The following CNOT1 variants were observed in gnomAD, a reference collection of about 807,000 sequenced individuals.
CNOT1 encodes CCR4-NOT transcription complex subunit 1, also known as CCR4-associated factor 1.
In CNOT1, 15 loss-of-function variants were observed where a neutral mutation model predicts 273.8. The observed-to-expected ratio is 0.05, with a 90% CI of 0.04 to 0.08. CNOT1 has a LOEUF of 0.08. Ranked by LOEUF, CNOT1 falls within the 10% of genes least tolerant of loss-of-function variation. CNOT1 has a pLI of 1.00. For synonymous variants in CNOT1, 1,022 were observed against 1,005.5 expected (o/e 1.02, Z -0.31); for missense variants, 1,644 against 2,912.2 (o/e 0.56, Z 10.02).
chr16:58,534,055 A>G (rs1198058255), intron 40 of CNOT1, 92 bp downstream of exon 40: 1 of 1,202,788 alleles, frequency 8.3e-7, no homozygotes, highest in Non-Finnish European at 1.0e-6. Context: ...AGACTCTCTC[A>G]AAGAAACAAT....
At chr16:58,565,390 C>T (rs921668603) in intron 16 of CNOT1, among the ~76,000 whole-genome samples, 2 of 152,166 alleles carry the variant, frequency 1.3e-5, no homozygotes, top group Non-Finnish European at 2.9e-5. Flanking sequence ...GCTGGAGTTA[C>T]AAGTGTAAGC....
At chr16:58,551,403 A>G (rs1179925060) in intron 23 of CNOT1, 131 bp from the exon 24 acceptor site, 4 of 1,201,182 alleles carry the variant, frequency 3.3e-6, no homozygotes, top group Non-Finnish European at 4.6e-6. Flanking sequence ...TGTAGGCAAG[A>G]ATAGTGAACT....
intron 24 of CNOT1, 97 bp from the exon 25 acceptor site, chr16:58,549,995 C>A: frequency 3.9e-6 from 6 of 1,527,092 alleles, no homozygotes; most frequent in Non-Finnish European, 5.3e-6. Context: ...TGGCTCCTTG[C>A]AAAACTAACT....
Position 58,615,493 on chromosome 16 carries a change from G to A in CNOT1, c.-175+14235C>T, listed in dbSNP as rs1444550419. ...ATCTGCCCGATGAATAAACCCCCAA[G>A]ACCTAGAGGAGGATGATGTCATGAG... On this transcript the variant is annotated intron_variant, in intron 1 of 48. Transcript: ENST00000317147. Among the ~76,000 whole-genome samples the A allele has an allele frequency of 2.4e-5, 3 of 124,852 alleles. 1 individual carries two copies. The highest frequency in any genetic ancestry group is 8.1e-5 in the African/African-American group (3 of 37,036). 81.9% of individuals were successfully genotyped at this position (124,852 alleles called of 152,430 possible). A position where few individuals can be genotyped will look rare whatever the true frequency, so the allele number is the denominator to read the frequency against.
In CNOT1 at chr16:58,549,734, G is replaced by A. The variant is rs1281447338; in HGVS notation, c.3507C>T (p.Thr1169=). 1 of 1,605,460 alleles carries A rather than the reference G, an allele frequency of 6.2e-7. No homozygotes were observed. Among genetic ancestry groups the A allele is most frequent in the Admixed American group, 1.7e-5 (1 of 57,208 alleles). Residue 1169 remains threonine, a synonymous_variant, in exon 25 of 49, where the codon ACC becomes ACT. Coordinates refer to ENST00000317147, the MANE Select transcript of CNOT1 (RefSeq NM_016284.5). ...PEFNKMVLNE[T]YRNIKVLLTS... is the part of the protein sequence containing the mutation. ...CAACTCTTACTTTAATGTTTCTGTA[G>A]GTCTCATTCAGAACCATCTTGTTAA...
Position 58,586,630 on chromosome 16 carries a change from G to C in CNOT1, c.552C>G (p.Leu184=). Residue 184 remains leucine (L), a synonymous_variant, in exon 7 of 49, where the codon CTC becomes CTG. Coordinates refer to ENST00000317147, the MANE Select transcript of CNOT1 (RefSeq NM_016284.5). ...TCTGCCCAAAGAGGAGATGGGAGAG[G>C]AGGAGGTGTAGGACCTCTATTGCTA... ...QDIAIEVLHL[L]LSHLLFGQKG... 1 of 1,613,044 alleles carries C rather than the reference G, an allele frequency of 6.2e-7. No homozygotes were observed. Among genetic ancestry groups the C allele is most frequent in the Non-Finnish European group, 8.5e-7 (1 of 1,179,842 alleles).
chr16:58,628,456 G>A lies in CNOT1; in HGVS notation c.-175+1272C>T, dbSNP rs1004264695. ...TATAGAAAAAAATTGTTCTTAATCT[G>A]TTTGACCTTCCTCCTAATATTTTAC... On this transcript the variant is annotated intron_variant, in intron 1 of 48. Coordinates refer to ENST00000317147, the MANE Select transcript of CNOT1 (RefSeq NM_016284.5). Among the ~76,000 whole-genome samples, 6 of 152,084 alleles carry A rather than the reference G, an allele frequency of 3.9e-5. No individual in the cohort carries two copies. In the East Asian group the frequency reaches 7.7e-4, roughly 20 times the overall value.
Position 58,588,968 on chromosome 16 carries a change from T to A in CNOT1, c.103-62A>T, listed in dbSNP as rs371234287. 4.6e-4 allele frequency: 682 copies of A among 1,494,252 alleles called. 14 individuals are homozygous for A. In the South Asian group the frequency reaches 8.2e-3, roughly 18 times the overall value. 92.6% of individuals were successfully genotyped at this position (1,494,252 alleles called of 1,614,324 possible). ...GATAAAACAAAAAAAAAAAGTAAGG[T>A]TTCAAAAAAGAAAATCAACCTCCAA... is the stretch of plus-strand genomic sequence containing the variant. On this transcript the variant is annotated intron_variant, in intron 2 of 48. Transcript: ENST00000317147.
In CNOT1 at chr16:58,560,257, T is replaced by C. The variant is rs1472484687; in HGVS notation, c.2085A>G (p.Gly695=). 3.1e-6 allele frequency: 5 copies of C among 1,614,020 alleles called. No homozygotes were observed. Among genetic ancestry groups the C allele is most frequent in the Non-Finnish European group, 4.2e-6 (5 of 1,180,014 alleles). The stretch of plus-strand genomic sequence containing the variant: ...CTAAGCTGCTAGCACTAGGAGGACG[T>C]CCTTTTGGCATAACTCCAGGTGGTG... ...RQPPPGVMPK[G]RPPSASSLDA... is the part of the protein sequence containing the mutation. The change falls in exon 17 of 49, where the codon GGA becomes GGG. Residue 695 remains glycine, a synonymous_variant. Coordinates refer to ENST00000317147, the MANE Select transcript of CNOT1 (RefSeq NM_016284.5).
chr16:58,546,044 A>G (rs571003821), intron 29 of CNOT1, among the ~76,000 whole-genome samples: 1 of 152,246 alleles, frequency 6.6e-6, no homozygotes, highest in African/African-American at 2.4e-5. Context: ...ACTTCACACA[A>G]CAAAGGAGAT....
rs527449484 is a variant in CNOT1, at chr16:58,610,640, G to A, written c.-174-11129C>T. 8.5e-5 allele frequency among the ~76,000 whole-genome samples: 13 copies of A among 152,154 alleles called. No homozygotes were observed. The South Asian group carries it at 1.9e-3, about 22-fold the overall frequency. On this transcript the variant is annotated intron_variant, in intron 1 of 48. Coordinates refer to ENST00000317147, the MANE Select transcript of CNOT1 (RefSeq NM_016284.5). ...GGGCGGATCACAAGGTCAGGAGATC[G>A]AAACCATCCTGGCTAACACAGTGAA... is the stretch of plus-strand genomic sequence containing the variant.
At chr16:58,577,706 G>A (rs2041507110) in intron 13 of CNOT1, among the ~76,000 whole-genome samples, 1 of 152,146 alleles carries the variant, frequency 6.6e-6, no homozygotes, top group Admixed American at 6.5e-5. Context: ...GGGTATGGTG[G>A]CATGTGCCTG....
chr16:58,564,079 A>G (rs2040952276), intron 16 of CNOT1, among the ~76,000 whole-genome samples: 2 of 152,232 alleles, frequency 1.3e-5, no homozygotes, highest in South Asian at 2.1e-4. Context: ...ACTCTAGGAT[A>G]TAAGATCAAG....
intron 35 of CNOT1, 73 bp downstream of exon 35, chr16:58,539,695 T>A: frequency 7.2e-7 from 1 of 1,382,070 alleles, no homozygotes; most frequent in South Asian, 1.6e-5. Context: ...TGCATAAATA[T>A]GTAGATGGTG....
chr16:58,523,717 TA>T (rs1454283788), intron 46 of CNOT1: 1 of 421,848 alleles, frequency 2.4e-6, no homozygotes, highest in African/African-American at 2.0e-5. Flanking sequence ...TATTCATTTT[TA>T]AAAACAGACC....
intron 22 of CNOT1, among the ~76,000 whole-genome samples, chr16:58,553,511 C>A (rs1039827528): frequency 1.2e-5 from 1 of 80,370 alleles, no homozygotes; most frequent in Non-Finnish European, 2.6e-5. Flanking sequence ...ACTGTTTATT[C>A]TTCAACTGCA....
chr16:58,601,712 T>C (rs1485234047), intron 1 of CNOT1, among the ~76,000 whole-genome samples: 1 of 135,436 alleles, frequency 7.4e-6, no homozygotes, highest in Non-Finnish European at 1.6e-5. Flanking sequence ...GTTCTACATA[T>C]GCTAGTGCTC....
At chr16:58,532,678 G>A (rs1469243416) in intron 40 of CNOT1, 1 of 374,542 alleles carries the variant, frequency 2.7e-6, no homozygotes, top group Admixed American at 4.0e-5. Flanking sequence ...AATCAGCAAG[G>A]CCCCTCACAT....
chr16:58,597,099 G>A (rs72790286), intron 2 of CNOT1, among the ~76,000 whole-genome samples: 934 of 132,474 alleles, frequency 7.1e-3, no homozygotes, highest in East Asian at 0.012. Context: ...CATTTAAAAA[G>A]AAAAAAAAAA....
Sources: allele counts gnomAD v4.1 joint callset (sites outside exome capture counted in the v4.1 genomes callset), GRCh38; gene constraint gnomAD v4.1.1; transcripts MANE v1.5; gene names NCBI Gene and HGNC (gene_info 2026-07-23, HGNC 2026-07-21).